ANKS1B: variants seen among roughly 807,000 people sequenced by gnomAD.
The protein encoded by ANKS1B is ankyrin repeat and sterile alpha motif domain containing 1B.
Under a neutral mutation model 148.3 loss-of-function variants are expected in ANKS1B, and 36 were observed. That is an observed-to-expected ratio of 0.24 (90% CI 0.19 to 0.32). ANKS1B has a LOEUF of 0.32. Among genes scored for constraint, ANKS1B ranks in the 10% least tolerant of loss-of-function variants. The pLI, the probability that ANKS1B is intolerant of heterozygous loss-of-function variation, is 1.00. For missense variants in ANKS1B, 1,157 were observed against 1,542.6 expected, an observed-to-expected ratio of 0.75 and a Z score of 4.19; for synonymous variants, 542 against 560.8, an observed-to-expected ratio of 0.97 and a Z score of 0.47.
chr12:98,894,769 G>A lies in ANKS1B; in HGVS notation c.2779-62633C>T, dbSNP rs1054487108. On this transcript the variant is annotated intron_variant, in intron 17 of 26. Coordinates refer to ENST00000683438, the MANE Select transcript of ANKS1B (RefSeq NM_001352186.2). ...ATCTTTCTGGGCGCCCCCAGCGAAT[G>A]CGAGCGGCGAGGCGAGGGCGAGCGC... is the stretch of plus-strand genomic sequence containing the variant. The A allele has an allele frequency of 1.2e-4, 123 of 985,124 alleles. 1 individual carries two copies. The highest frequency in any genetic ancestry group is 5.2e-4 in the Middle Eastern group (1 of 1,936). The allele number at this position is 985,124 out of a possible 1,614,324, so 61.0% of individuals were successfully genotyped here.
At chr12:99,548,558 C>A (rs1457660906) in intron 9 of ANKS1B, among the ~76,000 whole-genome samples, 2 of 151,924 alleles carry the variant, frequency 1.3e-5, no homozygotes, top group Admixed American at 6.6e-5. Flanking sequence ...TATATTATTT[C>A]AGATATTAAC....
chr12:99,142,139 G>C (rs2071068944), intron 15 of ANKS1B, among the ~76,000 whole-genome samples: 1 of 151,970 alleles, frequency 6.6e-6, no homozygotes, highest in African/African-American at 2.4e-5. Context: ...GCGGAAGCAG[G>C]GAGGGCTACA....
intron 12 of ANKS1B, among the ~76,000 whole-genome samples, chr12:99,336,473 A>G (rs1337575249): frequency 2.0e-5 from 3 of 151,428 alleles, no homozygotes; most frequent in African/African-American, 7.3e-5. Context: ...TTTTTTCAAT[A>G]TTTTCTTGTA....
intron 9 of ANKS1B, among the ~76,000 whole-genome samples, chr12:99,609,372 A>T (rs1340660086): frequency 2.0e-5 from 3 of 151,890 alleles, no homozygotes; most frequent in Non-Finnish European, 4.4e-5. Flanking sequence ...GTCTTTTACG[A>T]CTTAACCAGT....
chr12:98,739,557 T>C (rs1184928224), downstream of ANKS1B, among the ~76,000 whole-genome samples: 1 of 152,116 alleles, frequency 6.6e-6, no homozygotes, highest in Non-Finnish European at 1.5e-5. Context: ...TGTTTCTACT[T>C]TGAAACTCTT....
chr12:99,820,840 A>G (rs2082412703), intron 2 of ANKS1B, among the ~76,000 whole-genome samples: 1 of 151,938 alleles, frequency 6.6e-6, no homozygotes, highest in Non-Finnish European at 1.5e-5. Flanking sequence ...AGTACTGGTA[A>G]AAGCATAGAC....
chr12:99,353,193 A>G (rs913557195), intron 12 of ANKS1B, among the ~76,000 whole-genome samples: 1 of 152,060 alleles, frequency 6.6e-6, no homozygotes, highest in Non-Finnish European at 1.5e-5. Flanking sequence ...TAAGATATAC[A>G]TGGGTGAAAT....
chr12:99,923,171 G>C (rs1291003626), intron 1 of ANKS1B, among the ~76,000 whole-genome samples: 1 of 152,142 alleles, frequency 6.6e-6, no homozygotes, highest in African/African-American at 2.4e-5. Context: ...CATTGCTCTT[G>C]TTTTTTCAAA....
chr12:98,995,684 G>C (rs1362687734), intron 17 of ANKS1B, among the ~76,000 whole-genome samples: 1 of 152,160 alleles, frequency 6.6e-6, no homozygotes, highest in Non-Finnish European at 1.5e-5. Flanking sequence ...TAAAACAATG[G>C]ATTGTAAGAC....
intron 9 of ANKS1B, among the ~76,000 whole-genome samples, chr12:99,614,295 C>A (rs1437815651): frequency 6.6e-6 from 1 of 151,742 alleles, no homozygotes; most frequent in East Asian, 1.9e-4. Flanking sequence ...ATTAGCCTGG[C>A]GTGGTGGTGC....
At chr12:99,246,916 G>A (rs1354044305) in intron 12 of ANKS1B, 52 bp from the exon 13 acceptor site, 23 of 1,368,404 alleles carry the variant, frequency 1.7e-5, no homozygotes, top group Middle Eastern at 2.4e-4. Context: ...TGAAAGCCAC[G>A]ATATAATAGC....
chr12:99,646,763 ATAT>A (rs1156551386), intron 9 of ANKS1B, among the ~76,000 whole-genome samples: 1 of 151,004 alleles, frequency 6.6e-6, no homozygotes, highest in African/African-American at 2.4e-5. Flanking sequence ...TTCAATAAAG[ATAT>A]TATAATCTTA....
At chr12:98,881,710 C>T (rs898204512) in intron 17 of ANKS1B, among the ~76,000 whole-genome samples, 2 of 152,032 alleles carry the variant, frequency 1.3e-5, no homozygotes, top group Non-Finnish European at 2.9e-5. Flanking sequence ...GTAGACTAAT[C>T]GCAGCCATTC....
chr12:99,331,815 G>A (rs1036017577), intron 12 of ANKS1B, among the ~76,000 whole-genome samples: 19 of 151,920 alleles, frequency 1.3e-4, no homozygotes, highest in Admixed American at 1.1e-3. Context: ...ACAACTTCAG[G>A]TTAGTCTAAA....
At chr12:99,655,290 G>T in intron 8 of ANKS1B, 80 bp from the exon 9 acceptor site, 2 of 1,296,260 alleles carry the variant, frequency 1.5e-6, no homozygotes, top group African/African-American at 1.5e-5. Context: ...TTCTATAAAT[G>T]ACAGTGGTAT....
At chr12:99,732,013 C>T (rs1181091774) in intron 8 of ANKS1B, among the ~76,000 whole-genome samples, 1 of 152,106 alleles carries the variant, frequency 6.6e-6, no homozygotes, top group Non-Finnish European at 1.5e-5. Context: ...TGAACAGATA[C>T]TTCATCAAAG....
chr12:99,096,127 T>C (rs978721665), intron 15 of ANKS1B, among the ~76,000 whole-genome samples: 4 of 152,200 alleles, frequency 2.6e-5, no homozygotes, highest in African/African-American at 9.6e-5. Flanking sequence ...ATTATAATCA[T>C]AACAGGGCAG....
Position 99,984,266 on chromosome 12 carries a change from C to T in ANKS1B, c.-29G>A, listed in dbSNP as rs1375072526. 2 of 1,598,698 alleles carry T rather than the reference C, an allele frequency of 1.3e-6. No homozygotes were observed. The highest frequency in any genetic ancestry group is 1.3e-5 in the African/African-American group (1 of 74,666). On this transcript the variant is annotated 5_prime_UTR_variant, in exon 1 of 27. Transcript: ENST00000683438. ...CTCTCACCGACTCCCCCACAGAGTC[C>T]TTGCCCCCCTCGGGTCCTCCTCCCC...
chr12:98,772,387 G>GT (rs2098597849), intron 25 of ANKS1B, among the ~76,000 whole-genome samples: 2 of 152,160 alleles, frequency 1.3e-5, no homozygotes, highest in South Asian at 4.1e-4. Flanking sequence ...GTACGCAGCT[G>GT]TATTAGTCAG....
Sources: allele counts gnomAD v4.1 joint callset (sites outside exome capture counted in the v4.1 genomes callset), GRCh38; gene constraint gnomAD v4.1.1; transcripts MANE v1.5; gene names NCBI Gene and HGNC (gene_info 2026-07-23, HGNC 2026-07-21).